The following COG5 variants were observed in gnomAD, a reference collection of about 807,000 sequenced individuals.
COG5 encodes component of oligomeric golgi complex 5, also known as conserved oligomeric Golgi complex subunit 5.
A neutral mutation model predicts 110.4 loss-of-function variants in COG5; 86 were observed. The ratio of observed to expected loss-of-function variants is 0.78; its 90% CI spans 0.65 to 0.93. The LOEUF (loss-of-function observed/expected upper bound fraction) is 0.93. COG5 is among the 40% of genes least tolerant of loss of function. COG5 has a pLI of 0.00. For missense variants in COG5, 1,077 were observed against 987.0 expected (o/e 1.09, Z -1.22); for synonymous variants, 360 against 334.6 (o/e 1.08, Z -0.83).
intron 7 of COG5, among the ~76,000 whole-genome samples, chr7:107,376,201 A>T (rs1167397238): frequency 2.6e-4 from 40 of 152,018 alleles, no homozygotes; most frequent in Admixed American, 2.6e-3. Context: ...CTGTAGCTTT[A>T]AATACCAGAT....
intron 6 of COG5, among the ~76,000 whole-genome samples, chr7:107,507,414 C>A (rs61542048): frequency 0.026 from 3,949 of 150,740 alleles, 194 homozygotes; most frequent in African/African-American, 0.089. Flanking sequence ...CTGCCTCAGC[C>A]TCCCGAGTAG....
intron 6 of COG5, among the ~76,000 whole-genome samples, chr7:107,489,542 G>C (rs910194191): frequency 6.6e-6 from 1 of 151,978 alleles, no homozygotes; most frequent in African/African-American, 2.4e-5. Context: ...CAGAGTACAA[G>C]TTGAAAAAAT....
chr7:107,238,236 C>T (rs753785356), intron 17 of COG5, among the ~76,000 whole-genome samples: 12 of 152,158 alleles, frequency 7.9e-5, no homozygotes, highest in Non-Finnish European at 1.5e-4. Context: ...TATGTGAGGT[C>T]ATGTGGTATT....
At chr7:107,287,434 T>C (rs1416577234) in intron 12 of COG5, among the ~76,000 whole-genome samples, 1 of 152,186 alleles carries the variant, frequency 6.6e-6, no homozygotes, top group Non-Finnish European at 1.5e-5. Context: ...TTGCCAGGCT[T>C]TGACACAAGT....
At chr7:107,384,507 C>G (rs1190112165) in intron 7 of COG5, among the ~76,000 whole-genome samples, 1 of 152,126 alleles carries the variant, frequency 6.6e-6, no homozygotes, top group Non-Finnish European at 1.5e-5. Flanking sequence ...TTGCGAGAGG[C>G]CCTGTTTTCC....
intron 16 of COG5, among the ~76,000 whole-genome samples, chr7:107,251,133 CA>C (rs564589238): frequency 0.075 from 4,138 of 54,850 alleles, 114 homozygotes; most frequent in African/African-American, 0.16. Flanking sequence ...TGAAACTAGC[CA>C]AAAAAAAAAA....
At chr7:107,438,646 A>C (rs778362219) in intron 6 of COG5, among the ~76,000 whole-genome samples, 1 of 152,174 alleles carries the variant, frequency 6.6e-6, no homozygotes. Context: ...CTATCACATG[A>C]GAAAGATGCA....
intron 8 of COG5, among the ~76,000 whole-genome samples, chr7:107,368,817 G>C (rs995671931): frequency 2.0e-5 from 3 of 151,912 alleles, no homozygotes; most frequent in Admixed American, 6.6e-5. Flanking sequence ...AAATATTTCA[G>C]GCATACAAAA....
rs1465773599 is a variant in COG5 at position 107,201,694 on chromosome 7, G to A, written c.*1822C>T. ...ATATATGTCTATCAGGTAATAATAG[G>A]CTTGAAAATTGATATCCTGTGGTGC... On this transcript the variant is annotated 3_prime_UTR_variant, in exon 22 of 22. Coordinates refer to ENST00000297135, the MANE Select transcript of COG5 (RefSeq NM_006348.5). The A allele has an allele frequency of 2.8e-6, 1 of 357,906 alleles. No homozygotes were observed. The highest frequency in any genetic ancestry group is 2.1e-5 in the African/African-American group (1 of 47,716). The allele number at this position is 357,906 out of a possible 1,614,324, so 22.2% of individuals were successfully genotyped here. A position where few individuals can be genotyped will look rare whatever the true frequency, so the allele number is the denominator to read the frequency against.
chr7:107,424,423 G>A (rs943342460), intron 6 of COG5, among the ~76,000 whole-genome samples: 1 of 151,500 alleles, frequency 6.6e-6, no homozygotes, highest in African/African-American at 2.4e-5. Flanking sequence ...TGCTTTCTCA[G>A]GCCTATAAAT....
At position 107,527,334 on chromosome 7, in the gene COG5, C is replaced by T. The variant is rs1351869077; in HGVS notation, c.441G>A (p.Arg147=). The part of the protein sequence containing the change: ...RLQVACDLLR[R]IIRILNLSKR... ...TACTGAGATTCAAGATACGAATAAT[C>T]CTCCGAAGCAAATCACAGGCAACCT... Residue 147 remains arginine (R), a synonymous_variant, in exon 6 of 22, where the codon AGG becomes AGA. Coordinates refer to ENST00000297135, the MANE Select transcript of COG5 (RefSeq NM_006348.5). 1 of 1,613,434 alleles carries T rather than the reference C, an allele frequency of 6.2e-7. No individual in the cohort carries two copies. Among genetic ancestry groups the T allele is most frequent in the Non-Finnish European group, 8.5e-7 (1 of 1,179,778 alleles).
At chr7:107,543,604 T>C (rs972584371) in intron 5 of COG5, among the ~76,000 whole-genome samples, 1 of 152,042 alleles carries the variant, frequency 6.6e-6, no homozygotes, top group African/African-American at 2.4e-5. Flanking sequence ...AGGCTAGCCC[T>C]AGTGCCAGGT....
At chr7:107,289,710 T>C (rs151022162) in intron 12 of COG5, among the ~76,000 whole-genome samples, 2 of 152,254 alleles carry the variant, frequency 1.3e-5, no homozygotes, top group African/African-American at 4.8e-5. Flanking sequence ...AAATTTGCAC[T>C]CCTTTTGTTA....
At chr7:107,535,684 T>C (rs775790357) in intron 5 of COG5, among the ~76,000 whole-genome samples, 29 of 152,022 alleles carry the variant, frequency 1.9e-4, no homozygotes, top group Middle Eastern at 3.2e-3. Context: ...TAACCAAAAA[T>C]AGCCCAGGAC....
chr7:107,527,223 A>AC lies in COG5; in HGVS notation c.538+13_538+14insG. 3 of 1,531,990 alleles carry AC rather than the reference A, an allele frequency of 2.0e-6. No homozygotes were observed. The highest frequency in any genetic ancestry group is 2.8e-5 in the African/African-American group (2 of 71,634). The allele number at this position is 1,531,990 out of a possible 1,614,324, so 94.9% of individuals were successfully genotyped here. On this transcript the variant is annotated intron_variant, in intron 6 of 21. Coordinates refer to ENST00000297135, the MANE Select transcript of COG5 (RefSeq NM_006348.5). Reference sequence around the variant, plus strand: ...CTCTACTAACTTTTTATTTAAAAAAAAAAAAAAACTTACCAAGTTCATTGA... The same window carrying AC: ...CTCTACTAACTTTTTATTTAAAAAAACAAAAAAAACTTACCAAGTTCATTGA...
At position 107,416,016 on chromosome 7, in the gene COG5, G is replaced by A. The variant is rs150567880; in HGVS notation, c.539-3384C>T. Among the ~76,000 whole-genome samples, 66 of 142,846 alleles carry A rather than the reference G, an allele frequency of 4.6e-4. 3 individuals carry two copies. The East Asian group carries it at 5.2e-3, about 11-fold the overall frequency. The allele number at this position is 142,846 out of a possible 152,430, so 93.7% of individuals were successfully genotyped here. On this transcript the variant is annotated intron_variant, in intron 6 of 21. Transcript: ENST00000297135. ...TGTGTATATATACACACACATACAC[G>A]TATGTATATATGTGTGTATATATAA...
At chr7:107,551,720 C>T (rs566083442) in intron 3 of COG5, among the ~76,000 whole-genome samples, 99 of 152,274 alleles carry the variant, frequency 6.5e-4, no homozygotes, top group Non-Finnish European at 1.1e-3. Context: ...TTGGCTCAAG[C>T]GATCCTCCTA....
intron 6 of COG5, among the ~76,000 whole-genome samples, chr7:107,468,233 A>C (rs1796419548): frequency 6.6e-6 from 1 of 152,142 alleles, no homozygotes; most frequent in Non-Finnish European, 1.5e-5. Context: ...CAAGTCAGTA[A>C]ATTTCTCTGT....
chr7:107,429,623 T>A (rs1793876429), intron 6 of COG5, among the ~76,000 whole-genome samples: 1 of 152,168 alleles, frequency 6.6e-6, no homozygotes, highest in South Asian at 2.1e-4. Context: ...TTTGGCTGTG[T>A]CCCTACCCAA....
Sources: allele counts gnomAD v4.1 joint callset (sites outside exome capture counted in the v4.1 genomes callset), GRCh38; gene constraint gnomAD v4.1.1; transcripts MANE v1.5; gene names NCBI Gene and HGNC (gene_info 2026-07-23, HGNC 2026-07-21).